Variants in JMJD1C observed in about 807,000 individuals in gnomAD.
JMJD1C encodes the protein jumonji domain-containing protein 1C.
In JMJD1C, 31 loss-of-function variants were observed where a neutral mutation model predicts 245.3. The ratio of observed to expected loss-of-function variants is 0.13; its 90% confidence interval spans 0.09 to 0.17. JMJD1C has a LOEUF of 0.17. JMJD1C is among the 10% of genes least tolerant of loss of function. The pLI is 1.00. For missense variants in JMJD1C, 2,691 were observed against 3,000.2 expected (o/e 0.90, Z 2.41); for synonymous variants, 1,057 against 1,017.4 (o/e 1.04, Z -0.74).
chr10:63,380,120 TTTTG>T, intron 2 of JMJD1C, 194 bp downstream of exon 2: 1 of 429,744 alleles, frequency 2.3e-6, no homozygotes, highest in Non-Finnish European at 4.2e-6. Flanking sequence ...TTTTTTTTTT[TTTTG>T]GTAGAGATGG....
chr10:63,285,875 T>A (rs1328242625), intron 2 of JMJD1C, among the ~76,000 whole-genome samples: 2 of 152,208 alleles, frequency 1.3e-5, no homozygotes, highest in Non-Finnish European at 2.9e-5. Flanking sequence ...GCCATAGTTA[T>A]TGGTTTTCTG....
rs775050862 is a variant in JMJD1C, at chr10:63,206,012, AGTT to A, written c.5074+580_5074+582del. On this transcript the variant is annotated intron_variant, in intron 10 of 25. Coordinates refer to ENST00000399262, the MANE Select transcript of JMJD1C (RefSeq NM_032776.3). Reference sequence around the variant, plus strand: ...CTGTGCATTCTGTCACTGACTGAAAAGTTGTTATGCAGCACATGACTGTACTAT... The same window carrying A: ...CTGTGCATTCTGTCACTGACTGAAAAGTTATGCAGCACATGACTGTACTAT... Among the ~76,000 whole-genome samples the A allele has an allele frequency of 1.7e-4, 26 of 152,076 alleles. 1 individual carries two copies. Among genetic ancestry groups the A allele is most frequent in the Non-Finnish European group, 3.2e-4 (22 of 68,014 alleles).
At chr10:63,284,906 CAT>C (rs1247256835) in intron 2 of JMJD1C, among the ~76,000 whole-genome samples, 30 of 105,286 alleles carry the variant, frequency 2.8e-4, no homozygotes, top group African/African-American at 5.9e-4. Context: ...CACACACACA[CAT>C]TCTCTCTACT....
At chr10:63,225,125 A>C (rs889080076) in intron 3 of JMJD1C, among the ~76,000 whole-genome samples, 6 of 152,174 alleles carry the variant, frequency 3.9e-5, no homozygotes, top group Non-Finnish European at 8.8e-5. Flanking sequence ...AAAGACAGTA[A>C]CTATAAGTAG....
At chr10:63,280,481 C>T (rs980650206) in intron 2 of JMJD1C, among the ~76,000 whole-genome samples, 3 of 152,000 alleles carry the variant, frequency 2.0e-5, no homozygotes, top group South Asian at 4.1e-4. Flanking sequence ...ACCCAGGAAG[C>T]GGAGGTTGCA....
chr10:63,376,662 C>T (rs904481978), intron 2 of JMJD1C, among the ~76,000 whole-genome samples: 2 of 151,988 alleles, frequency 1.3e-5, no homozygotes, highest in African/African-American at 4.8e-5. Context: ...GGCCAAGAAG[C>T]ACATGAAAAG....
chr10:63,169,940 T>C (rs1426691184), intron 24 of JMJD1C, among the ~76,000 whole-genome samples: 1 of 152,154 alleles, frequency 6.6e-6, no homozygotes, highest in African/African-American at 2.4e-5. Context: ...GTCTAACAGA[T>C]GCTTTACAGT....
chr10:63,263,559 G>T (rs1439351893), intron 3 of JMJD1C, among the ~76,000 whole-genome samples: 1 of 152,058 alleles, frequency 6.6e-6, no homozygotes, highest in Non-Finnish European at 1.5e-5. Context: ...TTCTTTCCAT[G>T]CAATTACTGT....
intron 2 of JMJD1C, among the ~76,000 whole-genome samples, chr10:63,328,991 T>TA (rs1221017846): frequency 3.3e-5 from 5 of 152,158 alleles, no homozygotes; most frequent in Admixed American, 2.6e-4. Context: ...CTATTAACAG[T>TA]AAAAAACTGG....
intron 2 of JMJD1C, among the ~76,000 whole-genome samples, chr10:63,276,915 C>T (rs1215594688): frequency 7.8e-5 from 5 of 64,000 alleles, no homozygotes; most frequent in Non-Finnish European, 1.1e-4. Flanking sequence ...GAGAGAGTCT[C>T]GCTCTGTCGC....
At chr10:63,449,615 A>G (rs576218595) in intron 1 of JMJD1C, among the ~76,000 whole-genome samples, 59 of 152,328 alleles carry the variant, frequency 3.9e-4, no homozygotes, top group African/African-American at 1.4e-3. Flanking sequence ...ATATATCAAT[A>G]TACATCTAAG....
chr10:63,207,943 A>G lies in JMJD1C; in HGVS notation c.3726T>C (p.Gly1242=). 6.2e-7 allele frequency: 1 copy of G among 1,614,110 alleles called. No individual in the cohort carries two copies. The highest frequency in any genetic ancestry group is 1.3e-5 in the African/African-American group (1 of 75,030). The change falls in exon 10 of 26, where the codon GGT becomes GGC. Residue 1242 remains glycine, a synonymous_variant. Coordinates refer to ENST00000399262, the MANE Select transcript of JMJD1C (RefSeq NM_032776.3). ...LTPVMPVNAG[G]KVQESQKPPT... Reference sequence around the variant, plus strand: ...GAGGCTTCTGTGATTCTTGAACTTTACCACCAGCATTTACTGGCATCACCG... The same window carrying G: ...GAGGCTTCTGTGATTCTTGAACTTTGCCACCAGCATTTACTGGCATCACCG...
rs1844493233 is a variant in JMJD1C at position 63,189,419 on chromosome 10, T to C, written c.6319A>G (p.Asn2107Asp). Reference protein sequence around the residue: ...PSSKSGRTMPNILDDIIASVV... With the variant: ...PSSKSGRTMPDILDDIIASVV... ...GAAGCAATTATGTCATCAAGAATGT[T>C]AGGCATAGTCCGTCCACTTTTGCTA... Residue 2107 changes from asparagine (N) to aspartate (D), a missense_variant, in exon 18 of 26, where the codon AAC becomes GAC. Transcript: ENST00000399262. The C allele has an allele frequency of 6.2e-7, 1 of 1,613,430 alleles. No homozygotes were observed. Among genetic ancestry groups the C allele is most frequent in the Admixed American group, 1.7e-5 (1 of 59,970 alleles).
In JMJD1C at chr10:63,173,255, A is replaced by G. The variant is rs74138753; in HGVS notation, c.7401+3042T>C. 9.8e-3 allele frequency among the ~76,000 whole-genome samples: 1,497 copies of G among 152,334 alleles called. 24 individuals carry two copies. The highest frequency in any genetic ancestry group is 0.033 in the African/African-American group (1,386 of 41,574). The stretch of plus-strand genomic sequence containing the variant: ...AATTGAACCTCGCTCCATACTATGC[A>G]CTACATACAAAGATGAACTACATTG... On this transcript the variant is annotated intron_variant, in intron 24 of 25. Transcript: ENST00000399262.
At chr10:63,170,021 C>G (rs1842204249) in intron 24 of JMJD1C, among the ~76,000 whole-genome samples, 1 of 152,186 alleles carries the variant, frequency 6.6e-6, no homozygotes, top group Non-Finnish European at 1.5e-5. Flanking sequence ...TTTCATTTAT[C>G]TGAACTTAAG....
At chr10:63,229,183 A>G (rs1849668512) in intron 3 of JMJD1C, among the ~76,000 whole-genome samples, 1 of 152,164 alleles carries the variant, frequency 6.6e-6, no homozygotes, top group South Asian at 2.1e-4. Context: ...AAAAAAGGAA[A>G]CATATTAAAA....
intron 1 of JMJD1C, among the ~76,000 whole-genome samples, chr10:63,440,365 T>TATATAGAG (rs749850334): frequency 5.8e-5 from 8 of 138,276 alleles, no homozygotes; most frequent in East Asian, 4.0e-4. Context: ...TATATATATA[T>TATATAGAG]AGAGAGAGAG....
Position 63,442,625 on chromosome 10 carries a change from C to T in JMJD1C, c.168+22870G>A, listed in dbSNP as rs145696003. Among the ~76,000 whole-genome samples, 1,317 of 152,252 alleles carry T rather than the reference C, an allele frequency of 8.7e-3. 11 individuals are homozygous for T. Among genetic ancestry groups the T allele is most frequent in the Middle Eastern group, 0.017 (5 of 294 alleles). ...AAAAATGTGGCAAGTGTTTCTGTTT[C>T]CATGCCATACATTTCTTGCCTCCAA... On this transcript the variant is annotated intron_variant, in intron 1 of 25. Coordinates refer to ENST00000399262, the MANE Select transcript of JMJD1C (RefSeq NM_032776.3).
intron 3 of JMJD1C, among the ~76,000 whole-genome samples, chr10:63,220,346 G>T (rs1419819660): frequency 6.6e-6 from 1 of 152,158 alleles, no homozygotes. Flanking sequence ...AAGAACTGAG[G>T]TGAACATTTG....
Sources: allele counts gnomAD v4.1 joint callset (sites outside exome capture counted in the v4.1 genomes callset), GRCh38; gene constraint gnomAD v4.1.1; transcripts MANE v1.5; gene names NCBI Gene and HGNC (gene_info 2026-07-23, HGNC 2026-07-21).